CALN1: variants seen among roughly 807,000 people sequenced by gnomAD.
CALN1 encodes calneuron 1.
A neutral mutation model predicts 30.6 loss-of-function variants in CALN1; 17 were observed. That is an observed-to-expected ratio of 0.56 (90% confidence interval 0.38 to 0.83). CALN1 has a LOEUF of 0.83. Among genes scored for constraint, CALN1 ranks in the 40% least tolerant of loss-of-function variants. The pLI is 0.00. For synonymous variants in CALN1, 156 were observed against 131.4 expected, an observed-to-expected ratio of 1.19 and a Z score of -1.28; for missense variants, 291 against 354.9, an observed-to-expected ratio of 0.82 and a Z score of 1.45.
intron 5 of CALN1, among the ~76,000 whole-genome samples, chr7:71,947,904 C>T (rs1319249): frequency 0.69 from 103,259 of 149,304 alleles, 36,290 homozygotes; most frequent in Non-Finnish European, 0.74. Flanking sequence ...CACTGCACTC[C>T]AGCCTGGGCG....
intron 2 of CALN1, among the ~76,000 whole-genome samples, chr7:72,375,091 TTAA>T (rs1226605762): frequency 6.6e-6 from 1 of 152,226 alleles, no homozygotes; most frequent in East Asian, 1.9e-4. Context: ...GGTAGTTGTA[TTAA>T]TTTGTTATTG....
At chr7:72,068,381 A>G (rs1804169265) in intron 4 of CALN1, among the ~76,000 whole-genome samples, 4 of 152,210 alleles carry the variant, frequency 2.6e-5, no homozygotes, top group Admixed American at 2.6e-4. Context: ...CTACACGCAC[A>G]CCACTTTGAA....
intron 5 of CALN1, among the ~76,000 whole-genome samples, chr7:71,909,945 T>C (rs1794338354): frequency 6.6e-6 from 1 of 152,206 alleles, no homozygotes; most frequent in Admixed American, 6.5e-5. Context: ...TCAGCATGGC[T>C]GGGGAGGCCT....
At chr7:72,229,822 A>G (rs966959165) in intron 3 of CALN1, among the ~76,000 whole-genome samples, 1 of 151,880 alleles carries the variant, frequency 6.6e-6, no homozygotes, top group Non-Finnish European at 1.5e-5. Flanking sequence ...TAGGACAAAT[A>G]CATAATGCAT....
chr7:72,387,498 G>C (rs765811427), intron 2 of CALN1, among the ~76,000 whole-genome samples: 1 of 152,038 alleles, frequency 6.6e-6, no homozygotes, highest in African/African-American at 2.4e-5. Flanking sequence ...CCTCCGCCCC[G>C]GGTGATCAAG....
At chr7:72,307,383 T>C (rs1799726227) in intron 2 of CALN1, among the ~76,000 whole-genome samples, 1 of 152,138 alleles carries the variant, frequency 6.6e-6, no homozygotes, top group Non-Finnish European at 1.5e-5. Context: ...TGAGGTTTCT[T>C]CTCATTCTGC....
At chr7:72,308,372 G>GAGAGA (rs1554362861) in intron 2 of CALN1, among the ~76,000 whole-genome samples, 5 of 92,662 alleles carry the variant, frequency 5.4e-5, no homozygotes, top group African/African-American at 2.2e-4. Flanking sequence ...TGTGGGGGGG[G>GAGAGA]GAGAGAGAGA....
In CALN1 at chr7:72,106,173, G is replaced by A. The variant is rs267601555; in HGVS notation, c.366C>T (p.Ile122=). ...TACCGTCCATGTCCAAGCGCTGCAT[G>A]ATGATGGCCAGCTCCACCTCGCTTG... The part of the protein sequence containing the change: ...YMPSEVELAI[I]MQRLDMDGDG... The change falls in exon 4 of 7, where the codon ATC becomes ATT. Residue 122 remains isoleucine, a synonymous_variant. Coordinates refer to ENST00000395275, the MANE Select transcript of CALN1 (RefSeq NM_031468.4). 1 of 1,613,998 alleles carries A rather than the reference G, an allele frequency of 6.2e-7. No individual in the cohort carries two copies. The highest frequency in any genetic ancestry group is 8.5e-7 in the Non-Finnish European group (1 of 1,179,992).
chr7:72,278,862 T>C (rs1159827495), intron 2 of CALN1, 52 bp from the exon 3 acceptor site: 2 of 1,575,742 alleles, frequency 1.3e-6, no homozygotes, highest in Non-Finnish European at 1.7e-6. Flanking sequence ...TCATTCATTC[T>C]TCCTTTCCTT....
intron 5 of CALN1, among the ~76,000 whole-genome samples, chr7:71,862,015 G>C (rs1174531738): frequency 6.6e-6 from 1 of 152,164 alleles, no homozygotes; most frequent in Admixed American, 6.5e-5. Flanking sequence ...AGCTGTGCTT[G>C]CTTCCTCAAA....
intron 5 of CALN1, among the ~76,000 whole-genome samples, chr7:71,825,286 G>A (rs1788845374): frequency 6.6e-6 from 1 of 152,154 alleles, no homozygotes; most frequent in African/African-American, 2.4e-5. Flanking sequence ...TTGTAGGAGG[G>A]ACCCAGTAGG....
chr7:71,803,187 G>C (rs879684292), intron 6 of CALN1, among the ~76,000 whole-genome samples: 1 of 152,154 alleles, frequency 6.6e-6, no homozygotes, highest in Non-Finnish European at 1.5e-5. Flanking sequence ...TGTAATGCCA[G>C]AGAGTTCCTG....
intron 3 of CALN1, among the ~76,000 whole-genome samples, chr7:72,213,863 T>G (rs542321711): frequency 6.6e-6 from 1 of 152,292 alleles, no homozygotes; most frequent in South Asian, 2.1e-4. Context: ...GAGAGCTCCG[T>G]AGCTTCTTGC....
At chr7:72,366,403 T>C (rs768246018) in intron 2 of CALN1, among the ~76,000 whole-genome samples, 2 of 152,164 alleles carry the variant, frequency 1.3e-5, no homozygotes, top group Non-Finnish European at 2.9e-5. Flanking sequence ...CTCGAACTCC[T>C]GACCTCAGGT....
chr7:72,394,559 T>C (rs1301091219), intron 2 of CALN1, among the ~76,000 whole-genome samples: 1 of 152,148 alleles, frequency 6.6e-6, no homozygotes, highest in Admixed American at 6.5e-5. Flanking sequence ...GAAAAAAAAG[T>C]TGCATAGCAA....
chr7:72,272,108 GAGAAAA>G (rs1797036606), intron 3 of CALN1, among the ~76,000 whole-genome samples: 1 of 150,556 alleles, frequency 6.6e-6, no homozygotes, highest in Non-Finnish European at 1.5e-5. Context: ...GGGGCTCCTA[GAGAAAA>G]CTGAGCTGCA....
intron 3 of CALN1, among the ~76,000 whole-genome samples, chr7:72,226,893 C>T (rs1440713075): frequency 6.6e-6 from 1 of 151,802 alleles, no homozygotes; most frequent in East Asian, 2.0e-4. Context: ...AACAATTAGC[C>T]ACGCATGATG....
intron 3 of CALN1, among the ~76,000 whole-genome samples, chr7:72,244,758 A>G (rs550367020): frequency 5.9e-5 from 9 of 152,112 alleles, no homozygotes; most frequent in Admixed American, 2.0e-4. Context: ...AGGCAGAAAA[A>G]TGTGGTTTTA....
Position 72,150,660 on chromosome 7 carries a change from G to A in CALN1, c.245-44366C>T, listed in dbSNP as rs1259338790. Among the ~76,000 whole-genome samples the A allele has an allele frequency of 2.0e-5, 3 of 152,086 alleles. 1 individual carries two copies. Among genetic ancestry groups the A allele is most frequent in the African/African-American group, 7.2e-5 (3 of 41,410 alleles). ...TGGCAGAGCAGAGAGAACGTGAGAG[G>A]GGCTGAGAAAGGCTACATTGGGCCT... On this transcript the variant is annotated intron_variant, in intron 3 of 6. Coordinates refer to ENST00000395275, the MANE Select transcript of CALN1 (RefSeq NM_031468.4).
Sources: allele counts gnomAD v4.1 joint callset (sites outside exome capture counted in the v4.1 genomes callset), GRCh38; gene constraint gnomAD v4.1.1; transcripts MANE v1.5; gene names NCBI Gene and HGNC (gene_info 2026-07-23, HGNC 2026-07-21).